Variants in HMCN2 observed in about 807,000 individuals in gnomAD.
HMCN2 encodes the protein hemicentin-2.
In HMCN2, 325 loss-of-function variants were observed where a neutral mutation model predicts 377.5. That is an observed-to-expected ratio of 0.86 (90% confidence interval 0.79 to 0.94). The LOEUF is 0.94. HMCN2 is among the 40% of genes least tolerant of loss of function. The pLI is 0.00. For synonymous variants in HMCN2, 2,007 were observed against 2,046.8 expected (o/e 0.98, Z 0.53); for missense variants, 4,543 against 4,725.3 (o/e 0.96, Z 1.13).
At chr9:130,342,551 C>G (rs1409678490) in intron 25 of HMCN2, 115 bp downstream of exon 25, 1 of 152,202 alleles carries the variant, frequency 6.6e-6, no homozygotes, top group Non-Finnish European at 1.5e-5. Context: ...GGCACATGCT[C>G]CTTGTCAGCA....
At chr9:130,367,695 A>G (rs577653138) in intron 43 of HMCN2, among the ~76,000 whole-genome samples, 6 of 151,850 alleles carry the variant, frequency 4.0e-5, no homozygotes, top group African/African-American at 1.4e-4. Flanking sequence ...TAATCCCAGC[A>G]CTTTGGGAGG....
At chr9:130,330,421 C>T (rs1489069264) in intron 22 of HMCN2, among the ~76,000 whole-genome samples, 7 of 152,218 alleles carry the variant, frequency 4.6e-5, no homozygotes, top group Non-Finnish European at 1.0e-4. Context: ...GGGTGGATGG[C>T]ACCATGCCCA....
At chr9:130,367,537 C>T (rs10793923) in intron 43 of HMCN2, among the ~76,000 whole-genome samples, 120,695 of 152,062 alleles carry the variant, frequency 0.79, 49,971 homozygotes, top group East Asian at 0.92. Flanking sequence ...ATGCCAGGTC[C>T]ACCAGTTGCC....
intron 22 of HMCN2, among the ~76,000 whole-genome samples, chr9:130,334,193 G>A (rs916163183): frequency 1.6e-4 from 25 of 152,318 alleles, no homozygotes; most frequent in African/African-American, 4.8e-4. Flanking sequence ...GGCCCCCTGC[G>A]GAGGAACGGT....
At chr9:130,433,038 T>G (rs1844857521) in intron 97 of HMCN2, 7 of 411,712 alleles carry the variant, frequency 1.7e-5, no homozygotes, top group Admixed American at 1.3e-4. Context: ...AAATCCAGAC[T>G]GGGTGACTTG....
chr9:130,330,714 TG>T (rs1168590330), intron 22 of HMCN2, among the ~76,000 whole-genome samples: 1 of 152,122 alleles, frequency 6.6e-6, no homozygotes, highest in African/African-American at 2.4e-5. Context: ...CTCTTATCCT[TG>T]TAGGGGCTGT....
chr9:130,338,163 CT>C, intron 23 of HMCN2, 142 bp downstream of exon 23: 1 of 153,906 alleles, frequency 6.5e-6, no homozygotes, highest in Non-Finnish European at 1.4e-5. Context: ...CTGCCACCTC[CT>C]TTTGCCACCC....
chr9:130,289,135 G>C (rs557232266), intron 4 of HMCN2, among the ~76,000 whole-genome samples: 75 of 152,314 alleles, frequency 4.9e-4, no homozygotes, highest in African/African-American at 1.7e-3. Flanking sequence ...AAGCCCCTCT[G>C]TCTTTTTTTC....
chr9:130,408,585 C>T (rs1175000066), intron 83 of HMCN2, among the ~76,000 whole-genome samples, 158 bp from the exon 84 acceptor site: 1 of 152,224 alleles, frequency 6.6e-6, no homozygotes, highest in Non-Finnish European at 1.5e-5. Context: ...ACACTGTTTG[C>T]TGTCCCTGAT....
At chr9:130,362,279 C>A in intron 39 of HMCN2, 114 bp downstream of exon 39, 1 of 690,960 alleles carries the variant, frequency 1.4e-6, no homozygotes, top group Middle Eastern at 7.4e-4. Flanking sequence ...TAGCCCAGGG[C>A]CGAGGGCTAG....
Position 130,351,292 on chromosome 9 carries a change from C to A in HMCN2, c.4431-131C>A. 2 of 538,016 alleles carry A rather than the reference C, an allele frequency of 3.7e-6. No individual in the cohort carries two copies. Among genetic ancestry groups the A allele is most frequent in the Non-Finnish European group, 5.6e-6 (2 of 355,686 alleles). 33.3% of individuals were successfully genotyped at this position (538,016 alleles called of 1,614,324 possible). ...CCATTCCTCGCTTACTGGGCCTTTG[C>A]ATTGCTCCCACCTCTTGGCGCTAAT... On this transcript the variant is annotated intron_variant, in intron 29 of 97. Transcript: ENST00000683500. This position sits in a 1 kb window ranked among gnomAD's most constrained non-coding sequence, Gnocchi z 5.4.
chr9:130,340,247 G>A (rs1838975299), intron 23 of HMCN2, among the ~76,000 whole-genome samples: 1 of 152,260 alleles, frequency 6.6e-6, no homozygotes, highest in Non-Finnish European at 1.5e-5. Flanking sequence ...ATGCCCAGCT[G>A]GAGTGACTGC....
intron 77 of HMCN2, among the ~76,000 whole-genome samples, chr9:130,401,258 C>T (rs1842845195): frequency 6.6e-6 from 1 of 152,184 alleles, no homozygotes; most frequent in Admixed American, 6.5e-5. Context: ...TCAGAAAGAT[C>T]CTCCTGTATT....
chr9:130,301,439 C>T (rs1034693676), intron 8 of HMCN2, among the ~76,000 whole-genome samples: 10 of 152,316 alleles, frequency 6.6e-5, no homozygotes, highest in Non-Finnish European at 8.8e-5. Flanking sequence ...CTTCCTTCCC[C>T]GCCCTCCAGG....
intron 85 of HMCN2, among the ~76,000 whole-genome samples, chr9:130,417,360 A>C (rs2131779234): frequency 6.6e-6 from 1 of 150,936 alleles, no homozygotes; most frequent in South Asian, 2.1e-4. Context: ...CGTCTCTACC[A>C]AAAATACAAA....
rs1554936098 is a variant in HMCN2, at chr9:130,304,912, G to A, written c.1726G>A (p.Gly576Ser). 2.1e-6 allele frequency: 1 copy of A among 471,148 alleles called. No homozygotes were observed. Among genetic ancestry groups the A allele is most frequent in the East Asian group, 6.9e-5 (1 of 14,396 alleles). 29.2% of individuals were successfully genotyped at this position (471,148 alleles called of 1,614,324 possible). A position where few individuals can be genotyped will look rare whatever the true frequency, so the allele number is the denominator to read the frequency against. The change falls in exon 11 of 98, where the codon GGC becomes AGC. Residue 576 changes from glycine (G) to serine (S), a missense_variant. Physicochemically the swap from Gly to Ser is moderately conservative, Grantham distance 56 (BLOSUM62 0). Transcript: ENST00000683500. This position sits in a 1 kb window ranked among gnomAD's most constrained non-coding sequence, Gnocchi z 4.3. ...GGCTGACCTGTCCCTGGAGATCAGT[G>A]GCATCATCCCCACAGACGGCGGGAG... ...QLADLSLEISGIIPTDGGRYQ... is the reference protein window; with the variant it reads ...QLADLSLEISSIIPTDGGRYQ...
Position 130,311,443 on chromosome 9 carries a change from G to A in HMCN2, c.2350+1382G>A, listed in dbSNP as rs890316902. Among the ~76,000 whole-genome samples the A allele has an allele frequency of 7.2e-5, 11 of 152,188 alleles. No homozygotes were observed. The East Asian group carries it at 1.5e-3, about 21-fold the overall frequency. ...TTCAACACAGGGTCACCAGGTGCTC[G>A]TGTGCCAGGCCCTGTGCTGGGGACA... On this transcript the variant is annotated intron_variant, in intron 15 of 97. Transcript: ENST00000683500.
rs1361520843 is a variant in HMCN2, at chr9:130,369,366, C to T, written c.6788-204C>T. ...AAAGGGCTGTTCCCCACATAGCAGG[C>T]CTGCCTGTGACTCCCAGGCTGTAGT... On this transcript the variant is annotated intron_variant, in intron 44 of 97. Transcript: ENST00000683500. This position sits in a 1 kb window ranked among gnomAD's most constrained non-coding sequence, Gnocchi z 4.5. Among the ~76,000 whole-genome samples, 2 of 152,232 alleles carry T rather than the reference C, an allele frequency of 1.3e-5. No individual in the cohort carries two copies. The highest frequency in any genetic ancestry group is 4.8e-5 in the African/African-American group (2 of 41,462).
In HMCN2 at chr9:130,330,851, C is replaced by G. The variant is rs946531164; in HGVS notation, c.3359+3376C>G. ...TTTCCTTTTGAAGGGCAAAATAGACCGGTCATGGTGGCTCATGCCTGTAAT... is the reference window on the plus strand; with the variant it reads ...TTTCCTTTTGAAGGGCAAAATAGACGGGTCATGGTGGCTCATGCCTGTAAT... On this transcript the variant is annotated intron_variant, in intron 22 of 97. Coordinates refer to ENST00000683500, the MANE Select transcript of HMCN2 (RefSeq NM_001291815.2). Among the ~76,000 whole-genome samples the G allele has an allele frequency of 3.9e-5, 6 of 152,134 alleles. No individual in the cohort carries two copies. In the South Asian group the frequency reaches 1.2e-3, roughly 32 times the overall value.
Sources: gnomAD v4.1 joint callset for allele counts (sites outside exome capture counted in the v4.1 genomes callset) on GRCh38, gnomAD v4.1.1 for gene constraint, Gnocchi (gnomAD v3.1) non-coding constraint, MANE v1.5 for transcripts, NCBI Gene and HGNC (gene_info 2026-07-23, HGNC 2026-07-21) for gene names.